The following DPP6 variants were observed in gnomAD, a reference collection of about 807,000 sequenced individuals.
DPP6 encodes dipeptidyl peptidase like 6.
A neutral mutation model predicts 122.6 loss-of-function variants in DPP6; 69 were observed. That is an observed-to-expected ratio of 0.56 (90% CI 0.46 to 0.69). The LOEUF (loss-of-function observed/expected upper bound fraction) is 0.69. Ranked by LOEUF, DPP6 falls within the 30% of genes least tolerant of loss-of-function variation. The probability of loss-of-function intolerance (pLI) is 0.00; values close to 1 mark genes in which losing one functional copy is unlikely to be tolerated. For synonymous variants in DPP6, 418 were observed against 433.1 expected (o/e 0.97, Z 0.43); for missense variants, 928 against 1,116.9 (o/e 0.83, Z 2.41).
At chr7:153,988,762 T>A (rs1796974425) in intron 1 of DPP6, among the ~76,000 whole-genome samples, 1 of 152,192 alleles carries the variant, frequency 6.6e-6, no homozygotes, top group African/African-American at 2.4e-5. Context: ...TGATCTAGCC[T>A]CCAGCAGTGA....
chr7:154,066,219 C>T (rs1802715256), intron 1 of DPP6, among the ~76,000 whole-genome samples: 1 of 152,040 alleles, frequency 6.6e-6, no homozygotes, highest in Non-Finnish European at 1.5e-5. Context: ...ACCAGCATGC[C>T]TGGCTAATTT....
At chr7:154,269,460 C>T (rs1368190546) in intron 1 of DPP6, among the ~76,000 whole-genome samples, 1 of 152,132 alleles carries the variant, frequency 6.6e-6, no homozygotes, top group African/African-American at 2.4e-5. Context: ...CTGCCCTTCT[C>T]CTGGGCCACA....
At chr7:154,819,611 A>G (rs1287088437) in intron 16 of DPP6, among the ~76,000 whole-genome samples, 3 of 152,166 alleles carry the variant, frequency 2.0e-5, no homozygotes, top group Admixed American at 6.5e-5. Context: ...GGTATTTCCT[A>G]AAGAATATCT....
chr7:154,240,017 A>AGTGAT (rs1178851894), intron 1 of DPP6, among the ~76,000 whole-genome samples: 1 of 120,118 alleles, frequency 8.3e-6, no homozygotes, highest in Non-Finnish European at 1.7e-5. Flanking sequence ...AAAAAAAAAA[A>AGTGAT]AAAAAAAAAA....
At chr7:154,745,830 C>T (rs10267814) in intron 8 of DPP6, among the ~76,000 whole-genome samples, 39,567 of 151,928 alleles carry the variant, frequency 0.26, 5,976 homozygotes, top group African/African-American at 0.42. Context: ...AGGCCATTAA[C>T]CTTTTCATGA....
At chr7:154,569,207 G>T (rs1830958928) in intron 5 of DPP6, among the ~76,000 whole-genome samples, 1 of 151,932 alleles carries the variant, frequency 6.6e-6, no homozygotes, top group Non-Finnish European at 1.5e-5. Flanking sequence ...AAAGGGAGGG[G>T]TAAATTTCAA....
At chr7:154,413,440 A>G (rs1816782245) in intron 1 of DPP6, among the ~76,000 whole-genome samples, 1 of 152,242 alleles carries the variant, frequency 6.6e-6, no homozygotes, top group South Asian at 2.1e-4. Flanking sequence ...GGTGGCGTGT[A>G]CTAAAGGCTT....
chr7:153,821,901 T>A, the DPP6 span, among the ~76,000 whole-genome samples: 1 of 152,096 alleles, frequency 6.6e-6, no homozygotes. Context: ...TCAGTCAAAT[T>A]CTGCTGCTGG....
intron 1 of DPP6, among the ~76,000 whole-genome samples, chr7:153,925,365 G>A (rs35599775): frequency 0.29 from 43,324 of 150,168 alleles, 7,058 homozygotes; most frequent in East Asian, 0.63. Context: ...GGTCCCTGCA[G>A]TTCTGATGAA....
Position 154,810,718 on chromosome 7 carries a change from C to A in DPP6, c.1666+3606C>A, listed in dbSNP as rs538485406. Among the ~76,000 whole-genome samples, 10 of 152,002 alleles carry A rather than the reference C, an allele frequency of 6.6e-5. No homozygotes were observed. In the East Asian group the frequency reaches 1.7e-3, roughly 27 times the overall value. On this transcript the variant is annotated intron_variant, in intron 16 of 25. Transcript: ENST00000377770. ...GTCACACACACATGACTGACCCGGA[C>A]CCCAGGTACAGCCACACTGGGTCAC...
At chr7:153,812,685 A>T in the DPP6 span, among the ~76,000 whole-genome samples, 1 of 152,212 alleles carries the variant, frequency 6.6e-6, no homozygotes, top group Admixed American at 6.5e-5. Flanking sequence ...AAAGTGGCTG[A>T]GGTCAAGGCT....
chr7:154,694,888 C>G (rs746454273), intron 7 of DPP6, among the ~76,000 whole-genome samples: 6 of 152,146 alleles, frequency 3.9e-5, no homozygotes, highest in Non-Finnish European at 8.8e-5. Flanking sequence ...ACCACCTTCT[C>G]CTCGTGCCAC....
the DPP6 span, among the ~76,000 whole-genome samples, chr7:153,867,467 A>G: frequency 6.6e-6 from 1 of 152,206 alleles, no homozygotes; most frequent in Admixed American, 6.5e-5. Context: ...TTATTGGTGT[A>G]TAAGAATGCT....
intron 1 of DPP6, among the ~76,000 whole-genome samples, chr7:154,434,313 A>G: frequency 6.6e-6 from 1 of 152,060 alleles, no homozygotes; most frequent in East Asian, 1.9e-4. Flanking sequence ...CTAAGCCCGT[A>G]TTTTCTCCTT....
In DPP6 at chr7:154,781,754, T is replaced by TA. The variant is rs544123566; in HGVS notation, c.1136+8819dup. Among the ~76,000 whole-genome samples, 873 of 152,228 alleles carry TA rather than the reference T, an allele frequency of 5.7e-3. 7 individuals are homozygous for TA. Among genetic ancestry groups the TA allele is most frequent in the Middle Eastern group, 0.024 (7 of 294 alleles). ...GCTCAATCCATGGGATAAACATTGC[T>TA]AAAAAAATACCAGAGTTAACTGTGG... is the stretch of plus-strand genomic sequence containing the variant. On this transcript the variant is annotated intron_variant, in intron 10 of 25. Coordinates refer to ENST00000377770, the MANE Select transcript of DPP6 (RefSeq NM_130797.4).
rs1841445620 is a variant in DPP6, at chr7:154,715,692, C to G, written c.763-12075C>G. Among the ~76,000 whole-genome samples, 4 of 152,270 alleles carry G rather than the reference C, an allele frequency of 2.6e-5. No individual in the cohort carries two copies. In the South Asian group the frequency reaches 8.3e-4, roughly 32 times the overall value. ...AAATTGATGTTCCCCTGGCTGTCAC[C>G]CTCAGCTGTACGCTTTGCTCAAGAA... On this transcript the variant is annotated intron_variant, in intron 7 of 25. Coordinates refer to ENST00000377770, the MANE Select transcript of DPP6 (RefSeq NM_130797.4).
chr7:154,706,018 G>A (rs1440647408), intron 7 of DPP6, among the ~76,000 whole-genome samples: 1 of 152,198 alleles, frequency 6.6e-6, no homozygotes, highest in African/African-American at 2.4e-5. Flanking sequence ...CCCCTATGCA[G>A]CAATGAGGGC....
intron 1 of DPP6, among the ~76,000 whole-genome samples, chr7:153,953,820 C>A (rs1243459309): frequency 6.6e-6 from 1 of 152,212 alleles, no homozygotes; most frequent in African/African-American, 2.4e-5. Context: ...TGTGCGTCTA[C>A]AGGCACACAT....
chr7:153,812,703 C>A, the DPP6 span, among the ~76,000 whole-genome samples: 1 of 152,172 alleles, frequency 6.6e-6, no homozygotes, highest in Non-Finnish European at 1.5e-5. Context: ...GCTGCAAGGA[C>A]TAATTTAGGA....
Sources: allele counts gnomAD v4.1 joint callset (sites outside exome capture counted in the v4.1 genomes callset), GRCh38; gene constraint gnomAD v4.1.1; transcripts MANE v1.5; gene names NCBI Gene and HGNC (gene_info 2026-07-23, HGNC 2026-07-21).